TMED3: variants seen among roughly 807,000 people sequenced by gnomAD.
TMED3 encodes transmembrane emp24 domain-containing protein 3.
In TMED3, 9 loss-of-function variants were observed where a neutral mutation model predicts 15.0. The ratio of observed to expected loss-of-function variants is 0.60; its 90% CI spans 0.36 to 1.04. TMED3 has a LOEUF of 1.04. Among genes scored for constraint, TMED3 ranks in the 50% least tolerant of loss-of-function variants. TMED3 has a pLI of 0.01. For missense variants in TMED3, 267 were observed against 278.9 expected, an observed-to-expected ratio of 0.96 and a Z score of 0.30; for synonymous variants, 117 against 121.4, an observed-to-expected ratio of 0.96 and a Z score of 0.24.
chr15:79,392,483 G>GT (rs751429928), intron 2 of TMED3, among the ~76,000 whole-genome samples: 2 of 152,010 alleles, frequency 1.3e-5, no homozygotes, highest in Non-Finnish European at 2.9e-5. Context: ...GCTGTTATAG[G>GT]TTTTCCCTTG....
Position 79,376,092 on chromosome 15 carries a change from G to GTTTTTTTTTT in TMED3, c.418-35282_418-35273dup, listed in dbSNP as rs199728545. ...CTTACTTCATCTATTCTAGAGAAAG[G>GTTTTTTTTTT]TTTTTTTTTTTTTTTTTTTTTTTTT... On this transcript the variant is annotated intron_variant, in intron 2 of 2. Transcript: ENST00000424155. Among the ~76,000 whole-genome samples, 36 of 112,066 alleles carry GTTTTTTTTTT rather than the reference G, an allele frequency of 3.2e-4. 2 individuals carry two copies. Among genetic ancestry groups the GTTTTTTTTTT allele is most frequent in the African/African-American group, 9.8e-4 (27 of 27,476 alleles). 73.5% of individuals were successfully genotyped at this position (112,066 alleles called of 152,430 possible).
downstream of TMED3, among the ~76,000 whole-genome samples, chr15:79,325,397 C>T (rs1409610216): frequency 6.6e-6 from 1 of 152,120 alleles, no homozygotes; most frequent in Non-Finnish European, 1.5e-5. Context: ...GAGGCCTAGA[C>T]AACTTTACTG....
chr15:79,371,731 A>G (rs1893343407), intron 2 of TMED3, among the ~76,000 whole-genome samples: 1 of 152,216 alleles, frequency 6.6e-6, no homozygotes, highest in Admixed American at 6.5e-5. Context: ...CAACTCTGAA[A>G]AATATTTCCA....
chr15:79,410,174 A>G (rs1893955420), intron 2 of TMED3, among the ~76,000 whole-genome samples: 1 of 152,216 alleles, frequency 6.6e-6, no homozygotes, highest in African/African-American at 2.4e-5. Context: ...AACATAGCCC[A>G]TAATTCTATA....
intron 2 of TMED3, among the ~76,000 whole-genome samples, chr15:79,392,702 C>G (rs1217677632): frequency 2.0e-5 from 3 of 152,108 alleles, no homozygotes; most frequent in Non-Finnish European, 2.9e-5. Context: ...TGATAATGTG[C>G]TTAGTTAATT....
In TMED3 at chr15:79,391,058, AT is replaced by A. The variant is rs1011827934; in HGVS notation, c.418-20332del. Among the ~76,000 whole-genome samples, 137 of 143,094 alleles carry A rather than the reference AT, an allele frequency of 9.6e-4. 1 individual carries two copies. The highest frequency in any genetic ancestry group is 3.7e-3 in the Middle Eastern group (1 of 268). The allele number at this position is 143,094 out of a possible 152,430, so 93.9% of individuals were successfully genotyped here. ...GCTTTTTGTTTCATTTATCTTTTGT[AT>A]TTTTTTTTTCATTTCAATTTCATTT... On this transcript the variant is annotated intron_variant, in intron 2 of 2. Coordinates refer to the TMED3 transcript ENST00000424155.
chr15:79,411,429 G>A (rs368346408), exon 3 of TMED3: 8 of 702,536 alleles, frequency 1.1e-5, no homozygotes, highest in South Asian at 7.4e-5. Flanking sequence ...GGAAGGAGGT[G>A]GACAAGATGG....
rs111494059 is a variant in TMED3, at chr15:79,408,638, G to A, written c.418-2762G>A. Among the ~76,000 whole-genome samples, 1,507 of 152,246 alleles carry A rather than the reference G, an allele frequency of 9.9e-3. 19 individuals are homozygous for A. The highest frequency in any genetic ancestry group is 0.034 in the African/African-American group (1,429 of 41,518). ...GGTGTGGGGAGAACTCAGAGAGAAT[G>A]GCCCCTGGAAGCCAGAAACCCAGGG... On this transcript the variant is annotated intron_variant, in intron 2 of 2. Coordinates refer to the TMED3 transcript ENST00000424155.
At chr15:79,358,206 G>A (rs9788773) in intron 2 of TMED3, among the ~76,000 whole-genome samples, 1 of 152,012 alleles carries the variant, frequency 6.6e-6, no homozygotes, top group African/African-American at 2.4e-5. Flanking sequence ...GGAGGAGGCT[G>A]TGTCCGAGGA....
intron 2 of TMED3, among the ~76,000 whole-genome samples, chr15:79,396,781 A>C (rs1893768309): frequency 6.6e-6 from 1 of 152,238 alleles, no homozygotes; most frequent in South Asian, 2.1e-4. Context: ...TGCAAGACAC[A>C]TTCTGAGTTT....
rs569079088 is a variant in TMED3 at position 79,361,488 on chromosome 15, A to C, written c.417+47483A>C. Among the ~76,000 whole-genome samples, 6 of 152,316 alleles carry C rather than the reference A, an allele frequency of 3.9e-5. No individual in the cohort carries two copies. The South Asian group carries it at 1.2e-3, about 32-fold the overall frequency. ...GGAAAACCGAACGTCATATGTTCTC[A>C]CTTATAAGTGGGAGCTAAGCTATGA... On this transcript the variant is annotated intron_variant, in intron 2 of 2. Coordinates refer to the TMED3 transcript ENST00000424155.
intron 2 of TMED3, among the ~76,000 whole-genome samples, chr15:79,358,413 C>T (rs1027344675): frequency 6.6e-6 from 1 of 152,188 alleles, no homozygotes; most frequent in Non-Finnish European, 1.5e-5. Context: ...GCAAATGGTT[C>T]AGGGATGCTG....
intron 2 of TMED3, among the ~76,000 whole-genome samples, chr15:79,330,650 C>G (rs1178835733): frequency 1.3e-5 from 2 of 152,080 alleles, no homozygotes; most frequent in Non-Finnish European, 2.9e-5. Flanking sequence ...TCAAAATACT[C>G]ATTATATTTT....
At chr15:79,362,449 C>T (rs533486089) in intron 2 of TMED3, among the ~76,000 whole-genome samples, 4 of 151,912 alleles carry the variant, frequency 2.6e-5, no homozygotes, top group Non-Finnish European at 5.9e-5. Context: ...CATGCCACTG[C>T]ACTCCAGCCT....
chr15:79,377,832 G>C lies in TMED3; in HGVS notation c.418-33568G>C, dbSNP rs573347142. 5.3e-5 allele frequency among the ~76,000 whole-genome samples: 8 copies of C among 151,948 alleles called. No homozygotes were observed. The South Asian group carries it at 1.7e-3, about 32-fold the overall frequency. On this transcript the variant is annotated intron_variant, in intron 2 of 2. Coordinates refer to the TMED3 transcript ENST00000424155. ...GGGCCAATTTTTTGTACTTTTAGTAGAGACGGGGTTTCACCGTGTTAGCCA... is the reference window on the plus strand; with the variant it reads ...GGGCCAATTTTTTGTACTTTTAGTACAGACGGGGTTTCACCGTGTTAGCCA...
chr15:79,332,187 G>A (rs1258067261), intron 2 of TMED3, among the ~76,000 whole-genome samples: 1 of 152,240 alleles, frequency 6.6e-6, no homozygotes, highest in Non-Finnish European at 1.5e-5. Flanking sequence ...TACTGAACAG[G>A]AAGATTACAT....
At chr15:79,393,150 C>G (rs1292718927) in intron 2 of TMED3, among the ~76,000 whole-genome samples, 1 of 152,100 alleles carries the variant, frequency 6.6e-6, no homozygotes, top group Non-Finnish European at 1.5e-5. Context: ...TTTTGAACAA[C>G]TTTTTGGGAA....
At position 79,344,925 on chromosome 15, in the gene TMED3, G is replaced by A. The variant is rs1247027232; in HGVS notation, c.417+30920G>A. On this transcript the variant is annotated intron_variant, in intron 2 of 2. Transcript: ENST00000424155. Reference sequence around the variant, plus strand: ...GTTTGAGCAGTAGCCGGAAGGAGATGTGGAAGAGACTGTTTTTGTTTTATA... The same window carrying A: ...GTTTGAGCAGTAGCCGGAAGGAGATATGGAAGAGACTGTTTTTGTTTTATA... Among the ~76,000 whole-genome samples, 8 of 152,322 alleles carry A rather than the reference G, an allele frequency of 5.3e-5. No individual in the cohort carries two copies. In the East Asian group the frequency reaches 9.6e-4, roughly 18 times the overall value.
At chr15:79,329,370 A>T (rs974440044) in intron 2 of TMED3, among the ~76,000 whole-genome samples, 2 of 152,226 alleles carry the variant, frequency 1.3e-5, no homozygotes, top group Non-Finnish European at 2.9e-5. Context: ...AGGTAAATGG[A>T]TGTGCTTTGG....
Sources: gnomAD v4.1 joint callset for allele counts (sites outside exome capture counted in the v4.1 genomes callset) on GRCh38, gnomAD v4.1.1 for gene constraint, MANE v1.5 for transcripts, NCBI Gene and HGNC (gene_info 2026-07-23, HGNC 2026-07-21) for gene names.